Variants in TRAPPC12 observed in about 807,000 individuals in gnomAD.
The protein encoded by TRAPPC12 is trafficking protein particle complex subunit 12.
A neutral mutation model predicts 69.2 loss-of-function variants in TRAPPC12; 61 were observed. The observed-to-expected ratio is 0.88, with a 90% CI of 0.72 to 1.09. TRAPPC12 has a LOEUF of 1.09. TRAPPC12 is among the 50% of genes least tolerant of loss of function. The probability of loss-of-function intolerance (pLI) is 0.00; values close to 1 mark genes in which losing one functional copy is unlikely to be tolerated. For missense variants in TRAPPC12, 1,101 were observed against 1,016.4 expected (o/e 1.08, Z -1.13); for synonymous variants, 469 against 438.9 (o/e 1.07, Z -0.86).
rs1663556903 is a variant in TRAPPC12, at chr2:3,433,367, G to A, written c.1417+8704G>A. 3.3e-5 allele frequency among the ~76,000 whole-genome samples: 5 copies of A among 152,220 alleles called. 1 individual carries two copies. The South Asian group carries it at 1.0e-3, about 31-fold the overall frequency. On this transcript the variant is annotated intron_variant, in intron 5 of 11. Transcript: ENST00000324266. ...TACTGAAGAAAGCTGTTAAAATTGG[G>A]CAAAGGGTCTGGAAGGCTCCCGCAG... is the stretch of plus-strand genomic sequence containing the variant.
In TRAPPC12 at chr2:3,402,524, G is replaced by T. The variant is rs940942591; in HGVS notation, c.1164+631G>T. On this transcript the variant is annotated intron_variant, in intron 3 of 11. Transcript: ENST00000324266. ...GAATCGCTTGAACTGGGACCCGGGA[G>T]GTGGAGGTTGCAGTGAGCCGAGATC... Among the ~76,000 whole-genome samples, 4 of 151,690 alleles carry T rather than the reference G, an allele frequency of 2.6e-5. No individual in the cohort carries two copies. In the East Asian group the frequency reaches 7.8e-4, roughly 30 times the overall value.
chr2:3,442,162 G>A (rs953642070), intron 5 of TRAPPC12, among the ~76,000 whole-genome samples: 3 of 152,044 alleles, frequency 2.0e-5, no homozygotes, highest in African/African-American at 7.2e-5. Flanking sequence ...CGTTGAGATC[G>A]GAGTATTAAC....
At chr2:3,470,316 C>A (rs377745561) in intron 9 of TRAPPC12, among the ~76,000 whole-genome samples, 8 of 152,276 alleles carry the variant, frequency 5.3e-5, no homozygotes, top group African/African-American at 1.9e-4. Context: ...ACGTGCCCCT[C>A]CCCAGGGACC....
Position 3,388,309 on chromosome 2 carries a change from C to T in TRAPPC12, c.686C>T (p.Thr229Ile). The change falls in exon 2 of 12, where the codon ACC becomes ATC. Residue 229 changes from threonine to isoleucine, a missense_variant. Coordinates refer to ENST00000324266, the MANE Select transcript of TRAPPC12 (RefSeq NM_016030.6). Reference protein sequence around the residue: ...LASDFFDSFTTSAFISVSNPG... With the variant: ...LASDFFDSFTISAFISVSNPG... Reference sequence around the variant, plus strand: ...TCGGACTTCTTCGACTCCTTTACTACCTCCGCCTTCATTTCCGTCAGCAAT... The same window carrying T: ...TCGGACTTCTTCGACTCCTTTACTATCTCCGCCTTCATTTCCGTCAGCAAT... 1 of 1,605,288 alleles carries T rather than the reference C, an allele frequency of 6.2e-7. No individual in the cohort carries two copies. The highest frequency in any genetic ancestry group is 8.5e-7 in the Non-Finnish European group (1 of 1,176,208).
chr2:3,473,193 T>C (rs932492640), intron 9 of TRAPPC12, among the ~76,000 whole-genome samples: 2 of 151,622 alleles, frequency 1.3e-5, no homozygotes, highest in Admixed American at 6.6e-5. Flanking sequence ...TGAGGGGGGG[T>C]CAGGGGAAAG....
At chr2:3,433,801 A>G (rs768834253) in intron 5 of TRAPPC12, among the ~76,000 whole-genome samples, 4 of 152,276 alleles carry the variant, frequency 2.6e-5, no homozygotes, top group Non-Finnish European at 5.9e-5. Context: ...AGATTTTGGC[A>G]GGTCACAACT....
chr2:3,389,208 G>A (rs1441804136), intron 2 of TRAPPC12, among the ~76,000 whole-genome samples: 1 of 152,236 alleles, frequency 6.6e-6, no homozygotes, highest in Non-Finnish European at 1.5e-5. Context: ...CGCTTTGCCA[G>A]CTGGAGACCT....
rs139920289 is a variant in TRAPPC12 at position 3,465,772 on chromosome 2, T to C, written c.1776+77T>C. On this transcript the variant is annotated intron_variant, in intron 9 of 11. Transcript: ENST00000324266. The stretch of plus-strand genomic sequence containing the variant: ...GCTCAGATGGGCGACTGTTTGCTTT[T>C]AATCATTTTAATATAAGAAAGACTG... 491 of 947,740 alleles carry C rather than the reference T, an allele frequency of 5.2e-4. 4 individuals carry two copies. The East Asian group carries it at 0.011, about 22-fold the overall frequency. The allele number at this position is 947,740 out of a possible 1,614,324, so 58.7% of individuals were successfully genotyped here.
At chr2:3,477,190 A>G (rs1044408627) in intron 9 of TRAPPC12, among the ~76,000 whole-genome samples, 5 of 152,156 alleles carry the variant, frequency 3.3e-5, no homozygotes, top group South Asian at 2.1e-4. Context: ...GACATGCGTG[A>G]TAAGAGTGGG....
intron 6 of TRAPPC12, chr2:3,454,593 C>T (rs1368256929): frequency 6.6e-6 from 1 of 152,472 alleles, no homozygotes; most frequent in Non-Finnish European, 1.5e-5. Context: ...CCGTCACTCA[C>T]ATGCTCTGCG....
At chr2:3,409,750 T>TAAAAAA (rs71396989) in intron 3 of TRAPPC12, among the ~76,000 whole-genome samples, 1 of 54,874 alleles carries the variant, frequency 1.8e-5, no homozygotes. Flanking sequence ...ACTTTGTCTT[T>TAAAAAA]AAAAAAAAAA....
At chr2:3,469,587 T>C (rs35787423) in intron 9 of TRAPPC12, among the ~76,000 whole-genome samples, 18,487 of 152,234 alleles carry the variant, frequency 0.12, 1,283 homozygotes, top group South Asian at 0.19. Context: ...CCAGCAAGAA[T>C]AGCACTGCCA....
chr2:3,450,266 T>C (rs752873820), intron 6 of TRAPPC12, among the ~76,000 whole-genome samples: 4 of 152,244 alleles, frequency 2.6e-5, no homozygotes, highest in Non-Finnish European at 5.9e-5. Context: ...GCCTTTGATG[T>C]AAGATGATTC....
At chr2:3,450,597 C>G (rs961062353) in intron 6 of TRAPPC12, among the ~76,000 whole-genome samples, 1 of 152,156 alleles carries the variant, frequency 6.6e-6, no homozygotes, top group Non-Finnish European at 1.5e-5. Context: ...CTGCCAGGCA[C>G]GTGGTCCGTG....
At chr2:3,416,942 G>C (rs556105073) in intron 3 of TRAPPC12, among the ~76,000 whole-genome samples, 15 of 148,282 alleles carry the variant, frequency 1.0e-4, no homozygotes, top group African/African-American at 3.5e-4. Flanking sequence ...TGCCCTGCTG[G>C]GCAGCCTTCC....
chr2:3,455,909 G>A (rs1334606839), intron 6 of TRAPPC12: 1 of 152,010 alleles, frequency 6.6e-6, no homozygotes, highest in Non-Finnish European at 1.5e-5. Context: ...TCTATTTTTT[G>A]TTTTTTTGTA....
At chr2:3,468,807 G>C (rs1665937871) in intron 9 of TRAPPC12, among the ~76,000 whole-genome samples, 1 of 152,206 alleles carries the variant, frequency 6.6e-6, no homozygotes, top group Admixed American at 6.5e-5. Flanking sequence ...CCACGCGCCA[G>C]CCTCAGAGCT....
At chr2:3,402,003 A>C in intron 3 of TRAPPC12, 110 bp downstream of exon 3, 2 of 761,946 alleles carry the variant, frequency 2.6e-6, no homozygotes, top group Non-Finnish European at 4.1e-6. Flanking sequence ...AAGCTCTTGC[A>C]CATAAGTAGA....
chr2:3,380,114 A>T (rs1418629587), intron 1 of TRAPPC12, among the ~76,000 whole-genome samples: 6 of 152,128 alleles, frequency 3.9e-5, no homozygotes, highest in African/African-American at 1.4e-4. Flanking sequence ...GAGGGCTGGA[A>T]GCGTCTCTGC....
Sources: allele counts gnomAD v4.1 joint callset (sites outside exome capture counted in the v4.1 genomes callset), GRCh38; gene constraint gnomAD v4.1.1; transcripts MANE v1.5; gene names NCBI Gene and HGNC (gene_info 2026-07-23, HGNC 2026-07-21).